The following FAM83F variants were observed in gnomAD, a reference collection of about 807,000 sequenced individuals.
The protein encoded by FAM83F is scaffolding CK1 anchoring protein F.
Under a neutral mutation model 42.9 loss-of-function variants are expected in FAM83F, and 45 were observed. The observed-to-expected ratio is 1.05, with a 90% confidence interval of 0.83 to 1.35. The LOEUF is 1.35. Ranked by LOEUF, FAM83F falls within the 40% of genes most tolerant of loss-of-function variation. The pLI is 0.00. For synonymous variants in FAM83F, 306 were observed against 298.3 expected (o/e 1.03, Z -0.27); for missense variants, 617 against 695.9 (o/e 0.89, Z 1.28).
At chr22:40,011,949 C>A (rs1051712083) in intron 1 of FAM83F, among the ~76,000 whole-genome samples, 9 of 152,186 alleles carry the variant, frequency 5.9e-5, no homozygotes, top group African/African-American at 2.2e-4. Context: ...CTGCCTGTTG[C>A]TCTACAGAAT....
chr22:39,998,277 G>A (rs981647702), intron 1 of FAM83F, among the ~76,000 whole-genome samples: 1 of 152,180 alleles, frequency 6.6e-6, no homozygotes, highest in Non-Finnish European at 1.5e-5. Context: ...CCGAGGGGAG[G>A]CAGCAGGACA....
intron 1 of FAM83F, among the ~76,000 whole-genome samples, chr22:40,008,029 T>G (rs996761857): frequency 6.6e-6 from 1 of 152,226 alleles, no homozygotes; most frequent in Non-Finnish European, 1.5e-5. Context: ...AGCCGTGCAT[T>G]GCGACATTCA....
In FAM83F at chr22:40,030,608, G is replaced by A. The variant is rs937826133; in HGVS notation, c.*1043G>A. Reference sequence around the variant, plus strand: ...AGGAGCCTGTGCCTCGCCAGAGCAGGTCAGCCTAATGGCCATGAGGCTGAG... The same window carrying A: ...AGGAGCCTGTGCCTCGCCAGAGCAGATCAGCCTAATGGCCATGAGGCTGAG... On this transcript the variant is annotated 3_prime_UTR_variant, in exon 5 of 5. Transcript: ENST00000333407. 6.6e-6 allele frequency: 1 copy of A among 152,232 alleles called. No individual in the cohort carries two copies. Among genetic ancestry groups the A allele is most frequent in the African/African-American group, 2.4e-5 (1 of 41,462 alleles). The allele number at this position is 152,232 out of a possible 1,614,324, so 9.4% of individuals were successfully genotyped here.
At chr22:40,003,506 G>T (rs1296788390) in intron 1 of FAM83F, among the ~76,000 whole-genome samples, 2 of 151,842 alleles carry the variant, frequency 1.3e-5, no homozygotes, top group Non-Finnish European at 2.9e-5. Context: ...GAACAAATGA[G>T]CCCAGGGCTG....
rs1239812447 is a variant in FAM83F, at chr22:40,035,949, A to T, written c.*6384A>T. 6.6e-6 allele frequency: 1 copy of T among 152,210 alleles called. No homozygotes were observed. The highest frequency in any genetic ancestry group is 1.5e-5 in the Non-Finnish European group (1 of 68,038). The allele number at this position is 152,210 out of a possible 1,614,324, so 9.4% of individuals were successfully genotyped here. A position where few individuals can be genotyped will look rare whatever the true frequency, so the allele number is the denominator to read the frequency against. ...ACCACTTTCATATTGAATCGTTGGC[A>T]CACAGGGCTAACTGCTTGTTCACCT... On this transcript the variant is annotated 3_prime_UTR_variant, in exon 5 of 5. Transcript: ENST00000333407.
intron 1 of FAM83F, among the ~76,000 whole-genome samples, chr22:40,006,404 T>A (rs879665085): frequency 6.6e-6 from 1 of 152,126 alleles, no homozygotes; most frequent in Non-Finnish European, 1.5e-5. Context: ...CCCTCCTGGA[T>A]AGATGGGGAG....
In FAM83F at chr22:40,029,720, C is replaced by A; in HGVS notation, c.*155C>A. Reference sequence around the variant, plus strand: ...GTCCTGGCCTCAGGGACGCTGGATCCCAAATGAGAGGGTCCGAAGCATCTC... The same window carrying A: ...GTCCTGGCCTCAGGGACGCTGGATCACAAATGAGAGGGTCCGAAGCATCTC... On this transcript the variant is annotated 3_prime_UTR_variant, in exon 5 of 5. Coordinates refer to ENST00000333407, the MANE Select transcript of FAM83F (RefSeq NM_138435.4). The A allele has an allele frequency of 8.9e-7, 1 of 1,118,396 alleles. No homozygotes were observed. Among genetic ancestry groups the A allele is most frequent in the Non-Finnish European group, 1.2e-6 (1 of 804,000 alleles). 69.3% of individuals were successfully genotyped at this position (1,118,396 alleles called of 1,614,324 possible). A position where few individuals can be genotyped will look rare whatever the true frequency, so the allele number is the denominator to read the frequency against.
chr22:40,029,271 A>G (rs1193511732), intron 4 of FAM83F, among the ~76,000 whole-genome samples: 1 of 152,026 alleles, frequency 6.6e-6, no homozygotes, highest in African/African-American at 2.4e-5. Context: ...TGGTCAGGAG[A>G]TGGCTGTCAC....
Position 40,023,975 on chromosome 22 carries a change from G to A in FAM83F, c.1453+2012G>A, listed in dbSNP as rs781344769. ...CACGCACCTTTCCTCTCCCTCCCAA[G>A]GCCTGAGGGAGAAGCAGCAGCTCCT... On this transcript the variant is annotated intron_variant, in intron 4 of 4. Transcript: ENST00000333407. This position sits in a 1 kb window ranked among gnomAD's most constrained non-coding sequence, Gnocchi z 4.1. 3.3e-5 allele frequency among the ~76,000 whole-genome samples: 5 copies of A among 152,086 alleles called. No homozygotes were observed. Among genetic ancestry groups the A allele is most frequent in the Non-Finnish European group, 7.4e-5 (5 of 68,004 alleles).
chr22:39,998,420 G>T (rs1356959311), intron 1 of FAM83F, among the ~76,000 whole-genome samples: 1 of 152,150 alleles, frequency 6.6e-6, no homozygotes, highest in South Asian at 2.1e-4. Context: ...GTTGCCCGTG[G>T]CTGCCGTGCC....
In FAM83F at chr22:40,021,395, C is replaced by T. The variant is rs142198025; in HGVS notation, c.885C>T (p.Ser295=). 1.5e-5 allele frequency: 24 copies of T among 1,613,534 alleles called. No homozygotes were observed. Among genetic ancestry groups the T allele is most frequent in the South Asian group, 1.2e-4 (11 of 91,038 alleles). ...AGTTCCGGGAGCTGTACGCCATCTC[C>T]GAGGAGGTGGACTTGTACCGGCAGC... ...DTEFRELYAI[S]EEVDLYRQLS... The change falls in exon 4 of 5, where the codon TCC becomes TCT. Residue 295 remains serine, a synonymous_variant. Coordinates refer to ENST00000333407, the MANE Select transcript of FAM83F (RefSeq NM_138435.4). The surrounding 1 kb of genome is among the most constrained non-coding windows in gnomAD (Gnocchi z 8.7).
chr22:40,003,491 G>A (rs2067411967), intron 1 of FAM83F, among the ~76,000 whole-genome samples: 1 of 152,070 alleles, frequency 6.6e-6, no homozygotes, highest in Admixed American at 6.5e-5. Context: ...GGGGAGGAGG[G>A]CAGAGAACAA....
intron 1 of FAM83F, among the ~76,000 whole-genome samples, chr22:40,018,487 G>A (rs2067502743): frequency 1.3e-5 from 2 of 152,086 alleles, no homozygotes; most frequent in African/African-American, 4.8e-5. Flanking sequence ...CACCCAGGCT[G>A]GAGTGCAATG....
intron 1 of FAM83F, among the ~76,000 whole-genome samples, chr22:40,005,836 T>G (rs1239230019): frequency 6.6e-6 from 1 of 152,084 alleles, no homozygotes; most frequent in Non-Finnish European, 1.5e-5. Context: ...GTCTAATTAG[T>G]GAGTCCAAGA....
chr22:40,020,790 A>G (rs1366924492), intron 3 of FAM83F, among the ~76,000 whole-genome samples: 2 of 152,224 alleles, frequency 1.3e-5, no homozygotes, highest in Non-Finnish European at 2.9e-5. Flanking sequence ...TAGCAGGGTA[A>G]GTCCTGTCAC....
chr22:40,011,295 C>G (rs2067462148), intron 1 of FAM83F, among the ~76,000 whole-genome samples: 1 of 152,038 alleles, frequency 6.6e-6, no homozygotes. Context: ...GGGTTCAAGC[C>G]ATTCTCCTGC....
intron 1 of FAM83F, among the ~76,000 whole-genome samples, chr22:40,014,314 G>A (rs1371251914): frequency 1.3e-5 from 2 of 151,796 alleles, no homozygotes; most frequent in African/African-American, 4.8e-5. Flanking sequence ...AGTTAAGGAA[G>A]ATCCCTCTTA....
rs150675888 is a variant in FAM83F at position 40,006,606 on chromosome 22, C to T, written c.489+11075C>T. On this transcript the variant is annotated intron_variant, in intron 1 of 4. Coordinates refer to ENST00000333407, the MANE Select transcript of FAM83F (RefSeq NM_138435.4). ...TGACTGTGTGAGTTAAGGCACAAGC[C>T]GGGGCCTGCTGGGTGAGTTTGGAGA... Among the ~76,000 whole-genome samples, 342 of 152,314 alleles carry T rather than the reference C, an allele frequency of 2.2e-3. 2 individuals carry two copies. Among genetic ancestry groups the T allele is most frequent in the African/African-American group, 8.0e-3 (332 of 41,560 alleles).
At position 40,041,773 on chromosome 22, in the gene FAM83F, T is replaced by C. The variant is rs2067651331; in HGVS notation, c.*12208T>C. ...TAGTCTCCTTAACAGTGTCTGGATG[T>C]AACAGACTATGGGCGGCTTTTACTT... On this transcript the variant is annotated 3_prime_UTR_variant, in exon 5 of 5. Coordinates refer to ENST00000333407, the MANE Select transcript of FAM83F (RefSeq NM_138435.4). 1 of 152,194 alleles carries C rather than the reference T, an allele frequency of 6.6e-6. No individual in the cohort carries two copies. The highest frequency in any genetic ancestry group is 2.1e-4 in the South Asian group (1 of 4,834). 9.4% of individuals were successfully genotyped at this position (152,194 alleles called of 1,614,324 possible). A position where few individuals can be genotyped will look rare whatever the true frequency, so the allele number is the denominator to read the frequency against.
Sources: allele counts gnomAD v4.1 joint callset (sites outside exome capture counted in the v4.1 genomes callset), GRCh38; gene constraint gnomAD v4.1.1; non-coding constraint Gnocchi (gnomAD v3.1); transcripts MANE v1.5; gene names NCBI Gene and HGNC (gene_info 2026-07-23, HGNC 2026-07-21).